NXPH1: variants seen among roughly 807,000 people sequenced by gnomAD.
The protein encoded by NXPH1 is neurexophilin 1.
In NXPH1, 5 loss-of-function variants were observed where a neutral mutation model predicts 23.7. That is an observed-to-expected ratio of 0.21 (90% CI 0.11 to 0.44). The LOEUF is 0.44. Among genes scored for constraint, NXPH1 ranks in the 20% least tolerant of loss-of-function variants. The probability of loss-of-function intolerance (pLI) is 0.99; values close to 1 mark genes in which losing one functional copy is unlikely to be tolerated. For missense variants in NXPH1, 324 were observed against 321.6 expected (o/e 1.01, Z -0.06); for synonymous variants, 144 against 122.2 (o/e 1.18, Z -1.18).
At chr7:8,704,239 A>G (rs1779670502) in intron 2 of NXPH1, among the ~76,000 whole-genome samples, 1 of 152,142 alleles carries the variant, frequency 6.6e-6, no homozygotes. Flanking sequence ...GTGGTAGCCT[A>G]AATTCAATGA....
intron 2 of NXPH1, among the ~76,000 whole-genome samples, chr7:8,479,339 A>G (rs1434132643): frequency 1.3e-5 from 2 of 152,128 alleles, no homozygotes; most frequent in Non-Finnish European, 2.9e-5. Context: ...GGAAAAGATG[A>G]GTAATTATGT....
intron 2 of NXPH1, among the ~76,000 whole-genome samples, chr7:8,565,312 G>T (rs547746127): frequency 3.3e-5 from 5 of 151,862 alleles, no homozygotes; most frequent in East Asian, 3.9e-4. Flanking sequence ...ACTGGAAAGA[G>T]TTTGTCTTAT....
At chr7:8,724,156 G>A (rs1216918091) in intron 2 of NXPH1, among the ~76,000 whole-genome samples, 1 of 152,092 alleles carries the variant, frequency 6.6e-6, no homozygotes, top group African/African-American at 2.4e-5. Flanking sequence ...CAGAATAGGT[G>A]GTTCCCACAG....
chr7:8,499,743 C>T (rs1040361341), intron 2 of NXPH1, among the ~76,000 whole-genome samples: 2 of 152,036 alleles, frequency 1.3e-5, no homozygotes, highest in African/African-American at 4.8e-5. Flanking sequence ...TGTCTATTCC[C>T]CGCTATTTTT....
Position 8,435,897 on chromosome 7 carries a change from A to T in NXPH1, c.54+130A>T. 1.1e-6 allele frequency: 1 copy of T among 870,506 alleles called. No individual in the cohort carries two copies. The highest frequency in any genetic ancestry group is 1.9e-6 in the Non-Finnish European group (1 of 514,596). The allele number at this position is 870,506 out of a possible 1,614,324, so 53.9% of individuals were successfully genotyped here. A position where few individuals can be genotyped will look rare whatever the true frequency, so the allele number is the denominator to read the frequency against. ...AGCTTCCTAGCAGCTGTGTTGGAGC[A>T]ACTTTGGCAAGCTGGTCTCTGGATT... is the stretch of plus-strand genomic sequence containing the variant. On this transcript the variant is annotated intron_variant, in intron 2 of 2. Transcript: ENST00000405863. This position sits in a 1 kb window ranked among gnomAD's most constrained non-coding sequence, Gnocchi z 5.9.
intron 2 of NXPH1, among the ~76,000 whole-genome samples, chr7:8,516,910 G>T (rs1363274353): frequency 6.6e-6 from 1 of 152,090 alleles, no homozygotes; most frequent in Admixed American, 6.6e-5. Context: ...CATGATGTGT[G>T]GTCTGGCCAT....
chr7:8,530,273 C>T (rs1446512983), intron 2 of NXPH1, among the ~76,000 whole-genome samples: 1 of 152,120 alleles, frequency 6.6e-6, no homozygotes, highest in Non-Finnish European at 1.5e-5. Context: ...TAGCAAATGC[C>T]TCAAATATTA....
intron 2 of NXPH1, among the ~76,000 whole-genome samples, chr7:8,735,110 C>A (rs895814458): frequency 1.3e-5 from 2 of 152,120 alleles, no homozygotes; most frequent in African/African-American, 2.4e-5. Flanking sequence ...GACTTCCTCT[C>A]TTCCTATTTG....
intron 2 of NXPH1, among the ~76,000 whole-genome samples, chr7:8,686,283 C>A (rs1197586911): frequency 6.6e-6 from 1 of 151,984 alleles, no homozygotes; most frequent in Non-Finnish European, 1.5e-5. Flanking sequence ...ATGTTTCTTT[C>A]CTTACGTCTA....
intron 2 of NXPH1, among the ~76,000 whole-genome samples, chr7:8,505,709 G>A (rs553772931): frequency 1.2e-4 from 18 of 152,016 alleles, no homozygotes; most frequent in Admixed American, 5.2e-4. Flanking sequence ...TGCATACACT[G>A]AACATTCAAT....
intron 2 of NXPH1, among the ~76,000 whole-genome samples, chr7:8,644,470 CG>C (rs1263238663): frequency 1.2e-4 from 19 of 152,170 alleles, no homozygotes; most frequent in African/African-American, 4.6e-4. Flanking sequence ...TCAGTTTGAT[CG>C]TCTCTTTATT....
At chr7:8,451,870 T>C (rs1372184652) in intron 2 of NXPH1, among the ~76,000 whole-genome samples, 1 of 152,236 alleles carries the variant, frequency 6.6e-6, no homozygotes, top group African/African-American at 2.4e-5. Context: ...CATTTCTTTT[T>C]CATGATCCTT....
At chr7:8,748,259 G>C (rs1403457610) in intron 2 of NXPH1, among the ~76,000 whole-genome samples, 3 of 152,156 alleles carry the variant, frequency 2.0e-5, no homozygotes, top group Non-Finnish European at 2.9e-5. Context: ...TTGGTATGAA[G>C]AAAATCTGTA....
chr7:8,602,714 G>A (rs956948167), intron 2 of NXPH1, among the ~76,000 whole-genome samples: 1 of 152,154 alleles, frequency 6.6e-6, no homozygotes, highest in Non-Finnish European at 1.5e-5. Flanking sequence ...CTCATTTACT[G>A]TCAGTGTTCT....
At chr7:8,737,093 G>A (rs747031924) in intron 2 of NXPH1, among the ~76,000 whole-genome samples, 1 of 152,090 alleles carries the variant, frequency 6.6e-6, no homozygotes, top group Non-Finnish European at 1.5e-5. Flanking sequence ...CAATTTGCCA[G>A]TGTGTGTCTT....
At chr7:8,590,583 A>G (rs1191441328) in intron 2 of NXPH1, among the ~76,000 whole-genome samples, 1 of 152,118 alleles carries the variant, frequency 6.6e-6, no homozygotes, top group Non-Finnish European at 1.5e-5. Flanking sequence ...TCATTTTTGC[A>G]TAACTCAATC....
chr7:8,702,174 T>C (rs1188908573), intron 2 of NXPH1, among the ~76,000 whole-genome samples: 1 of 152,056 alleles, frequency 6.6e-6, no homozygotes, highest in Non-Finnish European at 1.5e-5. Context: ...CTTTTTGGTA[T>C]CTCAAAGATT....
intron 2 of NXPH1, among the ~76,000 whole-genome samples, chr7:8,664,775 G>T (rs1305159917): frequency 6.6e-6 from 1 of 152,020 alleles, no homozygotes; most frequent in Non-Finnish European, 1.5e-5. Flanking sequence ...TTGCTCTGAT[G>T]ATTAGTAATG....
At chr7:8,725,679 C>A (rs972586785) in intron 2 of NXPH1, among the ~76,000 whole-genome samples, 1 of 152,158 alleles carries the variant, frequency 6.6e-6, no homozygotes, top group Non-Finnish European at 1.5e-5. Context: ...ATTCTATCTA[C>A]TAGACTTTAT....
Sources: allele counts gnomAD v4.1 joint callset (sites outside exome capture counted in the v4.1 genomes callset), GRCh38; gene constraint gnomAD v4.1.1; non-coding constraint Gnocchi (gnomAD v3.1); transcripts MANE v1.5; gene names NCBI Gene and HGNC (gene_info 2026-07-23, HGNC 2026-07-21).